Variants in TXNL1 observed in about 807,000 individuals in gnomAD.
TXNL1 encodes the protein thioredoxin-like protein 1.
Under a neutral mutation model 35.5 loss-of-function variants are expected in TXNL1, and 14 were observed. That is an observed-to-expected ratio of 0.39 (90% confidence interval 0.26 to 0.62). The LOEUF is 0.62. Among genes scored for constraint, TXNL1 ranks in the 20% least tolerant of loss-of-function variants. TXNL1 has a pLI of 0.47. For missense variants in TXNL1, 263 were observed against 349.7 expected, an observed-to-expected ratio of 0.75 and a Z score of 1.98; for synonymous variants, 110 against 115.5, an observed-to-expected ratio of 0.95 and a Z score of 0.31.
chr18:56,624,075 GA>G (rs2024236129), intron 3 of TXNL1, among the ~76,000 whole-genome samples: 1 of 152,094 alleles, frequency 6.6e-6, no homozygotes, highest in Admixed American at 6.5e-5. Context: ...AGAAATTTAG[GA>G]AAAATGATTT....
At chr18:56,606,307 G>C (rs1419945209) in intron 7 of TXNL1, among the ~76,000 whole-genome samples, 1 of 151,308 alleles carries the variant, frequency 6.6e-6, no homozygotes, top group East Asian at 1.9e-4. Flanking sequence ...AACTCGGGAG[G>C]CAGAGCTTGC....
chr18:56,614,580 A>G lies in TXNL1; in HGVS notation c.579T>C (p.Tyr193=). ...QGPDNGQGPK[Y]VKIFINLPRS... is the part of the protein sequence containing the mutation. ...GGGGTAGGTTGATAAAAATTTTTAC[A>G]TATTTAGGGCCCTGACCTATACAAT... The change falls in exon 6 of 8, where the codon TAT becomes TAC. Residue 193 remains tyrosine, a synonymous_variant. Coordinates refer to ENST00000217515, the MANE Select transcript of TXNL1 (RefSeq NM_004786.3). 1.2e-6 allele frequency: 2 copies of G among 1,613,274 alleles called. No homozygotes were observed. Among genetic ancestry groups the G allele is most frequent in the East Asian group, 2.2e-5 (1 of 44,816 alleles).
intron 7 of TXNL1, chr18:56,610,454 A>G (rs2023972211): frequency 6.5e-6 from 1 of 152,744 alleles, no homozygotes; most frequent in African/African-American, 2.4e-5. Flanking sequence ...ACACACATAA[A>G]GATATACAAA....
At position 56,599,848 on chromosome 18, in the gene TXNL1, T is replaced by A. The variant is rs565174223; in HGVS notation, c.*3179A>T. The A allele has an allele frequency of 6.6e-6, 1 of 152,216 alleles. No individual in the cohort carries two copies. The highest frequency in any genetic ancestry group is 2.4e-5 in the African/African-American group (1 of 41,534). The allele number at this position is 152,216 out of a possible 1,614,324, so 9.4% of individuals were successfully genotyped here. On this transcript the variant is annotated 3_prime_UTR_variant, in exon 8 of 8. Transcript: ENST00000217515. ...TGCTGGGATTACAGGCATGAGCCAC[T>A]GTTCCCAGCTGGATTTCTTACTCTA...
At chr18:56,621,232 T>C (rs2024178223) in intron 3 of TXNL1, among the ~76,000 whole-genome samples, 1 of 148,848 alleles carries the variant, frequency 6.7e-6, no homozygotes, top group South Asian at 2.1e-4. Context: ...TGAAACAAAG[T>C]CTCCCTCTGT....
intron 6 of TXNL1, among the ~76,000 whole-genome samples, chr18:56,613,731 A>T (rs1341437393): frequency 6.6e-6 from 1 of 152,160 alleles, no homozygotes; most frequent in Non-Finnish European, 1.5e-5. Context: ...GAATCACCTG[A>T]GCCCAGTAGA....
chr18:56,622,670 A>T (rs114082763), intron 3 of TXNL1, among the ~76,000 whole-genome samples: 130 of 152,330 alleles, frequency 8.5e-4, no homozygotes, highest in African/African-American at 3.1e-3. Context: ...AAACACTCAT[A>T]CCACAGCGGA....
intron 5 of TXNL1, among the ~76,000 whole-genome samples, chr18:56,615,472 G>GA (rs958255436): frequency 6.7e-6 from 1 of 148,906 alleles, no homozygotes; most frequent in Admixed American, 6.7e-5. Flanking sequence ...AGAAAAAATG[G>GA]GGGGGGGCAA....
chr18:56,634,747 A>G (rs1183920509), intron 1 of TXNL1, among the ~76,000 whole-genome samples: 1 of 152,222 alleles, frequency 6.6e-6, no homozygotes, highest in Non-Finnish European at 1.5e-5. Flanking sequence ...CATGACATTG[A>G]ATCTTGCAAT....
At chr18:56,606,928 CT>C (rs2023906719) in intron 7 of TXNL1, among the ~76,000 whole-genome samples, 1 of 152,130 alleles carries the variant, frequency 6.6e-6, no homozygotes, top group Non-Finnish European at 1.5e-5. Context: ...TCCATGTCAA[CT>C]TTTAACCACA....
intron 1 of TXNL1, among the ~76,000 whole-genome samples, chr18:56,630,936 A>T (rs919666273): frequency 6.6e-6 from 1 of 151,538 alleles, no homozygotes; most frequent in East Asian, 1.9e-4. Flanking sequence ...GGTTGAGTGC[A>T]GTGGCATAAT....
intron 7 of TXNL1, chr18:56,609,471 T>A (rs1193892394): frequency 6.6e-6 from 1 of 152,130 alleles, no homozygotes; most frequent in African/African-American, 2.4e-5. Context: ...ACTGAATGGC[T>A]AGCTGGTAAG....
intron 7 of TXNL1, chr18:56,610,164 C>T (rs1311777925): frequency 6.6e-6 from 1 of 152,192 alleles, no homozygotes; most frequent in Non-Finnish European, 1.5e-5. Flanking sequence ...AGACTGCCTG[C>T]CAGATGCAAT....
chr18:56,632,143 TAC>T (rs2024382890), intron 1 of TXNL1, among the ~76,000 whole-genome samples: 1 of 152,198 alleles, frequency 6.6e-6, no homozygotes, highest in Non-Finnish European at 1.5e-5. Flanking sequence ...CACTTTTTAC[TAC>T]AGTCATAATA....
intron 1 of TXNL1, among the ~76,000 whole-genome samples, chr18:56,634,611 A>G (rs993069890): frequency 6.6e-6 from 1 of 152,230 alleles, no homozygotes; most frequent in African/African-American, 2.4e-5. Flanking sequence ...GGATATCCAC[A>G]TGCCAAAAAA....
At chr18:56,636,228 AAAAAG>A (rs1222618149) in intron 1 of TXNL1, among the ~76,000 whole-genome samples, 3 of 152,234 alleles carry the variant, frequency 2.0e-5, no homozygotes, top group African/African-American at 7.2e-5. Context: ...GAGGTTAAAA[AAAAAG>A]AAAAAAGGTT....
At chr18:56,627,720 C>T (rs1406677117) in intron 1 of TXNL1, among the ~76,000 whole-genome samples, 1 of 152,024 alleles carries the variant, frequency 6.6e-6, no homozygotes, top group African/African-American at 2.4e-5. Flanking sequence ...ACACACCATA[C>T]ACAAAAACCA....
intron 6 of TXNL1, among the ~76,000 whole-genome samples, chr18:56,612,281 A>G (rs1452514352): frequency 6.6e-6 from 1 of 152,018 alleles, no homozygotes; most frequent in African/African-American, 2.4e-5. Flanking sequence ...AAAATCTCTA[A>G]AGTGATATTC....
chr18:56,609,191 G>A (rs578214557), intron 7 of TXNL1: 3 of 152,008 alleles, frequency 2.0e-5, no homozygotes, highest in Non-Finnish European at 4.4e-5. Flanking sequence ...AAGAGGTCCT[G>A]AGATCAAAAA....
Sources: allele counts gnomAD v4.1 joint callset (sites outside exome capture counted in the v4.1 genomes callset), GRCh38; gene constraint gnomAD v4.1.1; transcripts MANE v1.5; gene names NCBI Gene and HGNC (gene_info 2026-07-23, HGNC 2026-07-21).